ADD2: variants seen among roughly 807,000 people sequenced by gnomAD.
The protein encoded by ADD2 is beta-adducin.
Under a neutral mutation model 83.0 loss-of-function variants are expected in ADD2, and 23 were observed. That is an observed-to-expected ratio of 0.28 (90% CI 0.20 to 0.39). The LOEUF is 0.39. Ranked by LOEUF, ADD2 falls within the 10% of genes least tolerant of loss-of-function variation. The pLI is 1.00. For missense variants in ADD2, 758 were observed against 944.9 expected (o/e 0.80, Z 2.59); for synonymous variants, 375 against 375.4 (o/e 1.00, Z 0.01).
At chr2:70,725,222 TAGA>T (rs1399873754) in intron 1 of ADD2, among the ~76,000 whole-genome samples, 4 of 152,194 alleles carry the variant, frequency 2.6e-5, no homozygotes, top group African/African-American at 9.7e-5. Flanking sequence ...ATGCCTGTCA[TAGA>T]AGAAGCATTC....
chr2:70,679,514 C>A (rs538207303), intron 10 of ADD2, among the ~76,000 whole-genome samples: 131 of 152,310 alleles, frequency 8.6e-4, no homozygotes, highest in Middle Eastern at 3.4e-3. Context: ...GTCTCCTAAG[C>A]AAGGCCACAT....
At chr2:70,756,018 C>A (rs1160877446) in intron 1 of ADD2, among the ~76,000 whole-genome samples, 1 of 149,248 alleles carries the variant, frequency 6.7e-6, no homozygotes, top group Non-Finnish European at 1.5e-5. Flanking sequence ...GAGATCACGC[C>A]ATTGCACTCC....
rs947926435 is a variant in ADD2 at position 70,704,435 on chromosome 2, G to A, written c.208C>T (p.Leu70Phe). 1 of 1,614,136 alleles carries A rather than the reference G, an allele frequency of 6.2e-7. No homozygotes were observed. The highest frequency in any genetic ancestry group is 8.5e-7 in the Non-Finnish European group (1 of 1,180,024). The change falls in exon 4 of 16, where the codon CTC becomes TTC. Residue 70 changes from leucine (L) to phenylalanine (F), a missense_variant. Transcript: ENST00000264436. ...CCCTTCTTCATCTGCTCCTGGATGAGGCCTTCCAGCTCCTCCCTGAAAGAC... is the reference window on the plus strand; with the variant it reads ...CCCTTCTTCATCTGCTCCTGGATGAAGCCTTCCAGCTCCTCCCTGAAAGAC... ...SPSFREELEG[L>F]IQEQMKKGNN...
chr2:70,673,215 T>C (rs1245327759), intron 14 of ADD2: 2 of 1,612,344 alleles, frequency 1.2e-6, no homozygotes, highest in Middle Eastern at 1.7e-4. Flanking sequence ...GGTGGAGTCA[T>C]GTTTCCTTCA....
intron 1 of ADD2, among the ~76,000 whole-genome samples, chr2:70,754,470 C>T (rs897268148): frequency 9.9e-5 from 15 of 152,038 alleles, no homozygotes; most frequent in Non-Finnish European, 2.9e-5. Flanking sequence ...TATTTCCACT[C>T]CTTCAAAACC....
intron 14 of ADD2, 148 bp from the exon 15 acceptor site, chr2:70,673,154 C>A: frequency 6.4e-7 from 1 of 1,558,704 alleles, no homozygotes; most frequent in South Asian, 1.1e-5. Flanking sequence ...TAGCTCCTCC[C>A]CCTGACCTTC....
At chr2:70,679,791 T>C (rs1221380147) in intron 10 of ADD2, among the ~76,000 whole-genome samples, 1 of 152,194 alleles carries the variant, frequency 6.6e-6, no homozygotes, top group African/African-American at 2.4e-5. Flanking sequence ...TGCATATACA[T>C]GTGTGTCCAT....
rs1553373974 is a variant in ADD2, at chr2:70,704,306, C to T, written c.322+15G>A. ...CTCCACCTCTGCTCCTGGCAGCTCC[C>T]CAGACACCACATACTCATGGAAGAT... is the stretch of plus-strand genomic sequence containing the variant. On this transcript the variant is annotated intron_variant, in intron 4 of 15. Transcript: ENST00000264436. 3 of 1,606,310 alleles carry T rather than the reference C, an allele frequency of 1.9e-6. No homozygotes were observed. Among genetic ancestry groups the T allele is most frequent in the Non-Finnish European group, 2.6e-6 (3 of 1,176,268 alleles).
At chr2:70,750,434 A>G (rs1210057929) in intron 1 of ADD2, among the ~76,000 whole-genome samples, 1 of 152,222 alleles carries the variant, frequency 6.6e-6, no homozygotes, top group Non-Finnish European at 1.5e-5. Flanking sequence ...ATGAAGTCAT[A>G]GTGGATTAGG....
At chr2:70,685,978 A>G (rs536630361) in intron 9 of ADD2, among the ~76,000 whole-genome samples, 92 of 152,352 alleles carry the variant, frequency 6.0e-4, no homozygotes, top group Non-Finnish European at 1.1e-3. Flanking sequence ...ATCAGAGAGA[A>G]CACCATCCCC....
In ADD2 at chr2:70,693,211, A is replaced by G. The variant is rs571845878; in HGVS notation, c.556-659T>C. ...CAAGGTAAACAGAACTCTCTCTCAA[A>G]TCACTCAGCACAAATCCAAATCCTG... On this transcript the variant is annotated intron_variant, in intron 6 of 15. Transcript: ENST00000264436. Among the ~76,000 whole-genome samples, 7 of 152,190 alleles carry G rather than the reference A, an allele frequency of 4.6e-5. No homozygotes were observed. The East Asian group carries it at 5.8e-4, about 13-fold the overall frequency.
intron 1 of ADD2, among the ~76,000 whole-genome samples, chr2:70,734,007 GCCT>G (rs1673400996): frequency 6.6e-6 from 1 of 152,080 alleles, no homozygotes; most frequent in South Asian, 2.1e-4. Flanking sequence ...CCTGGGTCTG[GCCT>G]CAGCAGTGCC....
chr2:70,749,883 G>A (rs1471735453), intron 1 of ADD2, among the ~76,000 whole-genome samples: 2 of 152,196 alleles, frequency 1.3e-5, no homozygotes, highest in Non-Finnish European at 2.9e-5. Context: ...TCTGGGGAAT[G>A]GAAATAAGTC....
intron 14 of ADD2, chr2:70,673,338 C>G (rs782229810): frequency 1.2e-6 from 2 of 1,613,602 alleles, no homozygotes; most frequent in South Asian, 2.2e-5. Context: ...TGAAGAGAAC[C>G]AGCCAGGAGC....
intron 8 of ADD2, 129 bp from the exon 9 acceptor site, chr2:70,688,251 G>T (rs1203874267): frequency 1.1e-5 from 7 of 658,522 alleles, no homozygotes; most frequent in African/African-American, 9.2e-5. Context: ...AACTCCTTAT[G>T]TTCTCTAATC....
Position 70,663,174 on chromosome 2 carries a change from G to T in ADD2, c.*251C>A, listed in dbSNP as rs1675603026. Reference sequence around the variant, plus strand: ...TGTGTAGTAGAAGGAGCACTGGACTGGAAGTCAGGAGACCTGAATTCGAGT... The same window carrying T: ...TGTGTAGTAGAAGGAGCACTGGACTTGAAGTCAGGAGACCTGAATTCGAGT... On this transcript the variant is annotated 3_prime_UTR_variant, in exon 16 of 16. Transcript: ENST00000264436. 1 of 455,626 alleles carries T rather than the reference G, an allele frequency of 2.2e-6. No individual in the cohort carries two copies. The highest frequency in any genetic ancestry group is 3.8e-6 in the Non-Finnish European group (1 of 261,522). The allele number at this position is 455,626 out of a possible 1,614,324, so 28.2% of individuals were successfully genotyped here. A position where few individuals can be genotyped will look rare whatever the true frequency, so the allele number is the denominator to read the frequency against.
intron 7 of ADD2, chr2:70,691,956 T>C (rs73939910): frequency 1.6e-3 from 239 of 153,364 alleles, no homozygotes; most frequent in African/African-American, 5.6e-3. Context: ...AACCTGCTCA[T>C]TGAGTCTCTT....
chr2:70,704,273 A>ACCCTCCCCCCCCCCCC, intron 4 of ADD2, 48 bp downstream of exon 4: 1 of 523,440 alleles, frequency 1.9e-6, no homozygotes, highest in Admixed American at 3.0e-5. Context: ...TCCCCACCCC[A>ACCCTCCCCCCCCCCCC]CCCTCCCCTC....
chr2:70,672,521 G>A (rs1283786992), intron 15 of ADD2, among the ~76,000 whole-genome samples: 3 of 152,196 alleles, frequency 2.0e-5, no homozygotes, highest in Non-Finnish European at 4.4e-5. Context: ...TTACTAAGTA[G>A]AATCTTCAGT....
Sources: allele counts gnomAD v4.1 joint callset (sites outside exome capture counted in the v4.1 genomes callset), GRCh38; gene constraint gnomAD v4.1.1; transcripts MANE v1.5; gene names NCBI Gene and HGNC (gene_info 2026-07-23, HGNC 2026-07-21).